PRDM10: variants seen among roughly 807,000 people sequenced by gnomAD.
The protein encoded by PRDM10 is PR/SET domain 10.
In PRDM10, 65 loss-of-function variants were observed where a neutral mutation model predicts 133.1. That is an observed-to-expected ratio of 0.49 (90% CI 0.40 to 0.60). PRDM10 has a LOEUF of 0.60. Among genes scored for constraint, PRDM10 ranks in the 20% least tolerant of loss-of-function variants. PRDM10 has a pLI of 0.00. For missense variants in PRDM10, 1,137 were observed against 1,507.1 expected (o/e 0.75, Z 4.07); for synonymous variants, 582 against 580.4 (o/e 1.00, Z -0.04).
rs150604628 is a variant in PRDM10 at position 129,984,861 on chromosome 11, T to A, written c.-119+17861A>T. Among the ~76,000 whole-genome samples the A allele has an allele frequency of 2.0e-5, 3 of 152,330 alleles. No homozygotes were observed. The East Asian group carries it at 5.8e-4, about 29-fold the overall frequency. On this transcript the variant is annotated intron_variant, in intron 1 of 20. Coordinates refer to ENST00000360871, the MANE Select transcript of PRDM10 (RefSeq NM_199437.2). ...ACAGCCATCTCCTCTGCGAGGATGC[T>A]TTCTCCGCCACTGTCCACCACCTAC... is the stretch of plus-strand genomic sequence containing the variant.
In PRDM10 at chr11:129,905,679, C is replaced by G. The variant is rs1332500489; in HGVS notation, c.3226G>C (p.Ala1076Pro). Reference protein sequence around the residue: ...GQFVITDSGVATPVTTGQVKA... With the variant: ...GQFVITDSGVPTPVTTGQVKA... ...ACCTGGCCAGTAGTAACTGGAGTTG[C>G]CACACCACTGTCTGTAATCACAAAC... The change falls in exon 20 of 21, where the codon GCA becomes CCA. Residue 1076 changes from alanine (A) to proline (P), a missense_variant. Ala to Pro is a conservative substitution (Grantham distance 27). Transcript: ENST00000360871. 1 of 1,614,034 alleles carries G rather than the reference C, an allele frequency of 6.2e-7. No homozygotes were observed. Among genetic ancestry groups the G allele is most frequent in the African/African-American group, 1.3e-5 (1 of 74,922 alleles).
At chr11:130,001,539 A>G (rs561892373) in intron 1 of PRDM10, among the ~76,000 whole-genome samples, 1 of 152,304 alleles carries the variant, frequency 6.6e-6, no homozygotes, top group South Asian at 2.1e-4. Flanking sequence ...CTAATCCTCG[A>G]TGACAGCACA....
At chr11:129,929,341 G>C (rs374888246) in intron 11 of PRDM10, 2 of 1,470,310 alleles carry the variant, frequency 1.4e-6, no homozygotes, top group Admixed American at 4.5e-5. Context: ...GTAAGTACAG[G>C]TTGCAAAGAA....
chr11:129,931,566 A>ATTTT (rs1164067658), intron 10 of PRDM10, among the ~76,000 whole-genome samples: 7 of 124,404 alleles, frequency 5.6e-5, no homozygotes, highest in Non-Finnish European at 1.0e-4. Flanking sequence ...TTTTTATTTT[A>ATTTT]TTTTATTTTA....
chr11:129,934,967 C>A, intron 9 of PRDM10, 134 bp downstream of exon 9: 1 of 652,204 alleles, frequency 1.5e-6, no homozygotes, highest in South Asian at 2.2e-5. Context: ...ACAGGTAACA[C>A]CGTTCCCTCA....
Position 129,945,099 on chromosome 11 carries a change from C to T in PRDM10, c.521-87G>A. The T allele has an allele frequency of 6.5e-7, 1 of 1,533,938 alleles. No individual in the cohort carries two copies. The highest frequency in any genetic ancestry group is 8.8e-7 in the Non-Finnish European group (1 of 1,132,976). On this transcript the variant is annotated intron_variant, in intron 5 of 20. Coordinates refer to ENST00000360871, the MANE Select transcript of PRDM10 (RefSeq NM_199437.2). This position sits in a 1 kb window ranked among gnomAD's most constrained non-coding sequence, Gnocchi z 4.2. ...AAAAAATTCTGACCCGAAAAATCCC[C>T]GTCTGCATTTTCAAGCCAAAATTCA...
chr11:129,961,055 A>C lies in PRDM10; in HGVS notation c.-91T>G. On this transcript the variant is annotated 5_prime_UTR_variant, in exon 2 of 21. Coordinates refer to ENST00000360871, the MANE Select transcript of PRDM10 (RefSeq NM_199437.2). ...CTGTCTACCACACGTGTGTTCATGAAGGACGGAAAGGTCTGTCTGCAGCAT... is the reference window on the plus strand; with the variant it reads ...CTGTCTACCACACGTGTGTTCATGACGGACGGAAAGGTCTGTCTGCAGCAT... 1 of 1,149,344 alleles carries C rather than the reference A, an allele frequency of 8.7e-7. No individual in the cohort carries two copies. The highest frequency in any genetic ancestry group is 2.5e-5 in the East Asian group (1 of 39,662). 71.2% of individuals were successfully genotyped at this position (1,149,344 alleles called of 1,614,324 possible).
At chr11:129,963,393 A>AGAGAAGAGAAGAGAAGAGAG (rs1951837655) in intron 1 of PRDM10, among the ~76,000 whole-genome samples, 1 of 114,366 alleles carries the variant, frequency 8.7e-6, no homozygotes, top group Non-Finnish European at 1.6e-5. Context: ...AGAGAAGAGA[A>AGAGAAGAGAAGAGAAGAGAG]GAGAAGAGAA....
At chr11:129,942,711 T>C (rs1951255113) in intron 6 of PRDM10, 82 bp from the exon 7 acceptor site, 1 of 1,245,346 alleles carries the variant, frequency 8.0e-7, no homozygotes, top group Admixed American at 2.1e-5. Flanking sequence ...ATACGCAAAA[T>C]ATTGCTTCTA....
chr11:129,909,752 C>T (rs1950127709), intron 19 of PRDM10, among the ~76,000 whole-genome samples: 1 of 152,190 alleles, frequency 6.6e-6, no homozygotes, highest in Non-Finnish European at 1.5e-5. Flanking sequence ...GTTTACCTGC[C>T]CCGACCTCTG....
At chr11:129,963,271 G>T (rs908925195) in intron 1 of PRDM10, among the ~76,000 whole-genome samples, 2 of 152,072 alleles carry the variant, frequency 1.3e-5, no homozygotes, top group Non-Finnish European at 2.9e-5. Flanking sequence ...AGCCCGGCGT[G>T]GTGGCACACA....
chr11:129,996,287 G>A (rs549470803), intron 1 of PRDM10, among the ~76,000 whole-genome samples: 1 of 152,198 alleles, frequency 6.6e-6, no homozygotes, highest in East Asian at 1.9e-4. Flanking sequence ...CTTCAACAAG[G>A]GCGGTGTGGG....
At chr11:129,953,988 C>A (rs1951646129) in intron 4 of PRDM10, among the ~76,000 whole-genome samples, 1 of 148,420 alleles carries the variant, frequency 6.7e-6, no homozygotes, top group South Asian at 2.1e-4. Context: ...TGGTTTGGGT[C>A]AAGAATATAC....
intron 1 of PRDM10, among the ~76,000 whole-genome samples, chr11:129,980,127 C>G (rs1938023057): frequency 6.6e-6 from 1 of 152,216 alleles, no homozygotes; most frequent in Admixed American, 6.5e-5. Flanking sequence ...CTTTGGAAAA[C>G]AAGCTGGCAG....
rs192142999 is a variant in PRDM10 at position 130,000,688 on chromosome 11, G to A, written c.-119+2034C>T. Among the ~76,000 whole-genome samples the A allele has an allele frequency of 1.4e-4, 22 of 152,194 alleles. No homozygotes were observed. In the East Asian group the frequency reaches 1.9e-3, roughly 13 times the overall value. On this transcript the variant is annotated intron_variant, in intron 1 of 20. Coordinates refer to ENST00000360871, the MANE Select transcript of PRDM10 (RefSeq NM_199437.2). ...ACAGCATAGCAGAGTGGGAGCTTAC[G>A]GGGTAGAAGGCACAAGACATTTGTC...
At chr11:129,915,592 C>A in intron 16 of PRDM10, 68 bp downstream of exon 16, 7 of 1,487,222 alleles carry the variant, frequency 4.7e-6, no homozygotes, top group Non-Finnish European at 6.3e-6. Flanking sequence ...GGATGAGAAG[C>A]CACCTTTCCT....
intron 17 of PRDM10, among the ~76,000 whole-genome samples, chr11:129,914,011 T>C (rs1950273318): frequency 6.6e-6 from 1 of 152,020 alleles, no homozygotes. Flanking sequence ...AGAGATTGAC[T>C]CAATTTTTTT....
intron 19 of PRDM10, among the ~76,000 whole-genome samples, chr11:129,908,875 C>T (rs1233558701): frequency 2.6e-5 from 4 of 151,784 alleles, no homozygotes; most frequent in African/African-American, 7.3e-5. Flanking sequence ...TACAGGCATC[C>T]GCCACCAGAC....
At chr11:129,991,186 G>C (rs1938722958) in intron 1 of PRDM10, among the ~76,000 whole-genome samples, 1 of 152,114 alleles carries the variant, frequency 6.6e-6, no homozygotes, top group African/African-American at 2.4e-5. Context: ...AAATTGTGAG[G>C]ACCATAGGCT....
Sources: gnomAD v4.1 joint callset for allele counts (sites outside exome capture counted in the v4.1 genomes callset) on GRCh38, gnomAD v4.1.1 for gene constraint, Gnocchi (gnomAD v3.1) non-coding constraint, MANE v1.5 for transcripts, NCBI Gene and HGNC (gene_info 2026-07-23, HGNC 2026-07-21) for gene names.